MYO9A: variants seen among roughly 807,000 people sequenced by gnomAD.
MYO9A encodes the protein unconventional myosin-IXa.
MYO9A carries 103 observed loss-of-function variants against 293.3 expected under a neutral mutation model. The observed-to-expected ratio is 0.35, with a 90% CI of 0.30 to 0.41. The LOEUF is 0.41. MYO9A is among the 10% of genes least tolerant of loss of function. The pLI, the probability that MYO9A is intolerant of heterozygous loss-of-function variation, is 1.00. For missense variants in MYO9A, 2,685 were observed against 3,033.0 expected, an observed-to-expected ratio of 0.89 and a Z score of 2.69; for synonymous variants, 1,001 against 1,035.7, an observed-to-expected ratio of 0.97 and a Z score of 0.64.
Position 71,933,678 on chromosome 15 carries a change from G to C in MYO9A, c.2554C>G (p.Leu852Val). ...RNKNFKSKPA[L>V]PKHLLEVNSL... ...GTTTTCATAGTACTCACCTTTGGAA[G>C]GGCAGGCTTGGATTTGAAATTTTTG... Residue 852 changes from leucine (L) to valine (V), a missense_variant, in exon 18 of 42, where the codon CTT becomes GTT. Around this residue, in one of 10 missense-constraint regions of MYO9A, gnomAD observed 1,434 missense variants for 1,497.7 expected, o/e 0.96. Transcript: ENST00000356056. The C allele has an allele frequency of 6.2e-7, 1 of 1,607,478 alleles. No homozygotes were observed. Among genetic ancestry groups the C allele is most frequent in the Non-Finnish European group, 8.5e-7 (1 of 1,177,450 alleles).
Position 71,903,963 on chromosome 15 carries a change from C to T in MYO9A, c.2843G>A (p.Arg948His), listed in dbSNP as rs760918129. The T allele has an allele frequency of 1.3e-5, 21 of 1,613,928 alleles. No homozygotes were observed. Among genetic ancestry groups the T allele is most frequent in the Non-Finnish European group, 1.8e-5 (21 of 1,179,960 alleles). Residue 948 changes from arginine to histidine, a missense_variant, in exon 21 of 42, where the codon CGC (arginine) becomes CAC (histidine). This residue lies in a region of MYO9A where 1,434 missense variants were observed against 1,497.7 expected (regional missense o/e 0.96). Transcript: ENST00000356056. Reference protein sequence around the residue: ...YTGMLETVRIRQSGYSSKYSF... With the variant: ...YTGMLETVRIHQSGYSSKYSF... ...ATATTTGGAGCTGTATCCTGATTGGCGAATTCGAACTGTTTCCAGCATCCC... is the reference window on the plus strand; with the variant it reads ...ATATTTGGAGCTGTATCCTGATTGGTGAATTCGAACTGTTTCCAGCATCCC...
At chr15:71,987,983 T>G (rs2076447261) in intron 11 of MYO9A, among the ~76,000 whole-genome samples, 2 of 152,172 alleles carry the variant, frequency 1.3e-5, no homozygotes, top group Admixed American at 1.3e-4. Context: ...TTCCATAAAC[T>G]CTAAGGTTTT....
At chr15:71,957,214 A>G (rs910849295) in intron 14 of MYO9A, among the ~76,000 whole-genome samples, 1 of 152,154 alleles carries the variant, frequency 6.6e-6, no homozygotes, top group Non-Finnish European at 1.5e-5. Context: ...CTAATTTTCC[A>G]TATCCTCACT....
intron 1 of MYO9A, among the ~76,000 whole-genome samples, chr15:72,077,751 AAAT>A (rs1302624609): frequency 1.9e-3 from 51 of 26,740 alleles, no homozygotes; most frequent in East Asian, 8.5e-3. Flanking sequence ...AAAAAAAAAA[AAAT>A]ATATATATAT....
At chr15:71,827,612 A>G (rs923652328) in intron 41 of MYO9A, among the ~76,000 whole-genome samples, 3 of 152,220 alleles carry the variant, frequency 2.0e-5, no homozygotes, top group Non-Finnish European at 4.4e-5. Context: ...GACAACAGGA[A>G]AAAAAAGACC....
chr15:72,021,465 G>C (rs2077500356), intron 4 of MYO9A, among the ~76,000 whole-genome samples: 1 of 152,176 alleles, frequency 6.6e-6, no homozygotes, highest in East Asian at 1.9e-4. Context: ...TTGGAGATGA[G>C]AAGCCTGACA....
intron 37 of MYO9A, among the ~76,000 whole-genome samples, chr15:71,850,566 AC>A (rs2141293841): frequency 6.6e-6 from 1 of 151,894 alleles, no homozygotes; most frequent in African/African-American, 2.4e-5. Flanking sequence ...GGAGTTTGAG[AC>A]AATCTTGGCC....
intron 1 of MYO9A, among the ~76,000 whole-genome samples, chr15:72,049,723 A>G (rs2078497038): frequency 1.3e-5 from 2 of 152,382 alleles, no homozygotes; most frequent in East Asian, 1.9e-4. Context: ...CATGCTCCTT[A>G]TGAGAATCTA....
chr15:71,895,765 A>G (rs2057306277), intron 25 of MYO9A, among the ~76,000 whole-genome samples: 1 of 152,072 alleles, frequency 6.6e-6, no homozygotes, highest in South Asian at 2.1e-4. Flanking sequence ...ATCAACTCAA[A>G]TACACCTACA....
At chr15:72,077,747 AAAAAAATATATAT>A (rs1443189959) in intron 1 of MYO9A, among the ~76,000 whole-genome samples, 46 of 45,796 alleles carry the variant, frequency 1.0e-3, no homozygotes, top group Admixed American at 4.8e-3. Context: ...AAAAAAAAAA[AAAAAAATATATAT>A]ATATATATAT....
intron 18 of MYO9A, among the ~76,000 whole-genome samples, chr15:71,917,532 CAAAAACA>C (rs1288737061): frequency 6.6e-6 from 1 of 151,958 alleles, no homozygotes; most frequent in Non-Finnish European, 1.5e-5. Context: ...GAGACTCTGT[CAAAAACA>C]AAAAACAAAA....
At chr15:72,083,988 T>C (rs2079633384) in intron 1 of MYO9A, among the ~76,000 whole-genome samples, 1 of 152,164 alleles carries the variant, frequency 6.6e-6, no homozygotes, top group South Asian at 2.1e-4. Context: ...GGGTAGAGAG[T>C]TCTGTAGATG....
chr15:72,015,420 T>C (rs1026193780), intron 6 of MYO9A, among the ~76,000 whole-genome samples: 47 of 152,190 alleles, frequency 3.1e-4, no homozygotes, highest in Non-Finnish European at 1.5e-5. Context: ...GTCTACCTCA[T>C]AGGAAACGAG....
chr15:72,103,486 C>T (rs576545651), intron 1 of MYO9A, among the ~76,000 whole-genome samples: 2 of 133,440 alleles, frequency 1.5e-5, no homozygotes, highest in Non-Finnish European at 3.2e-5. Context: ...GCAGAAGCAG[C>T]GCAGAAGCAG....
chr15:71,977,064 T>C (rs2076162854), intron 12 of MYO9A, among the ~76,000 whole-genome samples: 1 of 152,344 alleles, frequency 6.6e-6, no homozygotes, highest in Admixed American at 6.5e-5. Flanking sequence ...ATTTTATACA[T>C]TGTTGAGAAT....
intron 1 of MYO9A, among the ~76,000 whole-genome samples, chr15:72,083,213 T>C (rs1185501253): frequency 1.3e-5 from 2 of 152,216 alleles, no homozygotes; most frequent in African/African-American, 4.8e-5. Flanking sequence ...TACTGACCTG[T>C]TCAGAGATCC....
At chr15:71,977,986 G>A (rs897710661) in intron 12 of MYO9A, among the ~76,000 whole-genome samples, 185 bp downstream of exon 12, 2 of 152,114 alleles carry the variant, frequency 1.3e-5, no homozygotes, top group African/African-American at 2.4e-5. Flanking sequence ...GCAATGAGCC[G>A]AGATGGGGCC....
chr15:71,987,405 T>G (rs186682613), intron 11 of MYO9A, among the ~76,000 whole-genome samples: 3 of 152,348 alleles, frequency 2.0e-5, no homozygotes, highest in Admixed American at 2.0e-4. Flanking sequence ...TAATCTTCCC[T>G]GCATGACATA....
chr15:71,859,884 G>A (rs201255880), intron 33 of MYO9A, 88 bp from the exon 34 acceptor site: 3 of 698,748 alleles, frequency 4.3e-6, no homozygotes, highest in Admixed American at 3.5e-5. Flanking sequence ...TTAGACCTAC[G>A]TTTTTTTCTT....
Sources: allele counts gnomAD v4.1 joint callset (sites outside exome capture counted in the v4.1 genomes callset), GRCh38; gene constraint gnomAD v4.1.1; regional missense constraint gnomAD v4.1.1; transcripts MANE v1.5; gene names NCBI Gene and HGNC (gene_info 2026-07-23, HGNC 2026-07-21).